The following RAF1 variants were observed in gnomAD, a reference collection of about 807,000 sequenced individuals.
The protein encoded by RAF1 is RAF proto-oncogene serine/threonine-protein kinase.
RAF1 carries 27 observed loss-of-function variants against 81.1 expected under a neutral mutation model. The observed-to-expected ratio is 0.33, with a 90% confidence interval of 0.25 to 0.46. RAF1 has a LOEUF of 0.46. Ranked by LOEUF, RAF1 falls within the 20% of genes least tolerant of loss-of-function variation. The pLI is 1.00. For synonymous variants in RAF1, 298 were observed against 294.0 expected (o/e 1.01, Z -0.14); for missense variants, 598 against 826.0 (o/e 0.72, Z 3.38).
chr3:12,629,715 A>G (rs2059808134), intron 1 of RAF1, among the ~76,000 whole-genome samples: 1 of 152,226 alleles, frequency 6.6e-6, no homozygotes, highest in Non-Finnish European at 1.5e-5. Context: ...ACCTTGTGGC[A>G]GCCTACTCTG....
intron 2 of RAF1, among the ~76,000 whole-genome samples, chr3:12,615,767 AGCAGCCGGGT>A (rs994063103): frequency 1.3e-5 from 2 of 152,172 alleles, no homozygotes; most frequent in African/African-American, 4.8e-5. Context: ...AAATAATCAT[AGCAGCCGGGT>A]GCAGTGGCTC....
intron 1 of RAF1, among the ~76,000 whole-genome samples, chr3:12,622,424 G>C (rs759927470): frequency 6.6e-6 from 1 of 152,108 alleles, no homozygotes; most frequent in African/African-American, 2.4e-5. Flanking sequence ...GCCTTCTTTC[G>C]TAACATGCCA....
At chr3:12,605,111 T>C (rs1414980048) in intron 6 of RAF1, among the ~76,000 whole-genome samples, 1 of 152,212 alleles carries the variant, frequency 6.6e-6, no homozygotes, top group African/African-American at 2.4e-5. Flanking sequence ...CTTGGTCAGA[T>C]TTGCTTTTCA....
chr3:12,639,953 A>T (rs2125527604), intron 1 of RAF1, among the ~76,000 whole-genome samples: 1 of 152,306 alleles, frequency 6.6e-6, no homozygotes, highest in African/African-American at 2.4e-5. Context: ...GCATCATGCT[A>T]CCTGACTTCA....
At chr3:12,663,107 C>A (rs2060931810) in intron 1 of RAF1, among the ~76,000 whole-genome samples, 2 of 152,186 alleles carry the variant, frequency 1.3e-5, no homozygotes, top group Admixed American at 1.3e-4. Context: ...CCTCTCACGA[C>A]GTCCAAACCC....
intron 1 of RAF1, among the ~76,000 whole-genome samples, chr3:12,642,343 C>G (rs1468134538): frequency 6.9e-6 from 1 of 145,734 alleles, no homozygotes; most frequent in Non-Finnish European, 1.5e-5. Flanking sequence ...AACAAACAAA[C>G]CAAAAAAACA....
In RAF1 at chr3:12,655,115, G is replaced by A. The variant is rs369175463; in HGVS notation, c.-27+8698C>T. Reference sequence around the variant, plus strand: ...ATTTTATTTATTTATTTTTTGAGACGAAGTCTCACTCTTGTGGAGTGCAAT... The same window carrying A: ...ATTTTATTTATTTATTTTTTGAGACAAAGTCTCACTCTTGTGGAGTGCAAT... On this transcript the variant is annotated intron_variant, in intron 1 of 17. Transcript: ENST00000442415. Among the ~76,000 whole-genome samples the A allele has an allele frequency of 1.3e-4, 19 of 151,934 alleles. No individual in the cohort carries two copies. The East Asian group carries it at 3.3e-3, about 26-fold the overall frequency.
chr3:12,635,637 CAAAAAAAAAAAA>C lies in RAF1; in HGVS notation c.-26-16902_-26-16891del, dbSNP rs34576938. Among the ~76,000 whole-genome samples, 6 of 73,290 alleles carry C rather than the reference CAAAAAAAAAAAA, an allele frequency of 8.2e-5. No individual in the cohort carries two copies. In the East Asian group the frequency reaches 2.0e-3, roughly 24 times the overall value. The allele number at this position is 73,290 out of a possible 152,430, so 48.1% of individuals were successfully genotyped here. Reference sequence around the variant, plus strand: ...GGCAAAAAGAGTGAAACTCCAGCTCCAAAAAAAAAAAAAAAAAAAAAAAGAGAGAGAGAGATT... The same window carrying C: ...GGCAAAAAGAGTGAAACTCCAGCTCCAAAAAAAAAAAGAGAGAGAGAGATT... On this transcript the variant is annotated intron_variant, in intron 1 of 17. Transcript: ENST00000442415.
intron 1 of RAF1, among the ~76,000 whole-genome samples, chr3:12,637,483 T>C (rs1294845686): frequency 1.3e-5 from 2 of 151,834 alleles, no homozygotes; most frequent in Admixed American, 1.3e-4. Context: ...CAGGCTGTTC[T>C]GGAACTCCTG....
chr3:12,592,768 C>T (rs2058560457), intron 11 of RAF1, among the ~76,000 whole-genome samples: 1 of 138,274 alleles, frequency 7.2e-6, no homozygotes, highest in African/African-American at 2.8e-5. Flanking sequence ...CAGAGTCTCG[C>T]TCAGTCACCC....
intron 1 of RAF1, among the ~76,000 whole-genome samples, chr3:12,663,370 C>CG (rs1354106208): frequency 6.6e-6 from 1 of 152,200 alleles, no homozygotes; most frequent in East Asian, 1.9e-4. Flanking sequence ...CTCTCTTACC[C>CG]GATTCCTCAC....
chr3:12,599,911 T>C (rs536440175), intron 10 of RAF1, 103 bp from the exon 10 acceptor site: 7 of 1,218,398 alleles, frequency 5.7e-6, no homozygotes, highest in Non-Finnish European at 7.3e-6. Flanking sequence ...TCCATATCTT[T>C]TAAAGATAAA....
At chr3:12,636,496 A>C (rs905288966) in intron 1 of RAF1, among the ~76,000 whole-genome samples, 2 of 106,694 alleles carry the variant, frequency 1.9e-5, no homozygotes, top group African/African-American at 8.4e-5. Context: ...ATGGTTGCTC[A>C]AAAAAAAAAA....
chr3:12,628,348 G>A lies in RAF1; in HGVS notation c.-26-9601C>T, dbSNP rs575219472. Among the ~76,000 whole-genome samples the A allele has an allele frequency of 2.0e-5, 3 of 151,872 alleles. No individual in the cohort carries two copies. The East Asian group carries it at 5.9e-4, about 30-fold the overall frequency. On this transcript the variant is annotated intron_variant, in intron 1 of 17. Transcript: ENST00000442415. ...GAGTTTGAGACCAGCCTTGGCAATA[G>A]TGAGACCTCATCTCTACAAAATCTA...
chr3:12,623,908 G>A (rs1381538811), intron 1 of RAF1, among the ~76,000 whole-genome samples: 2 of 147,448 alleles, frequency 1.4e-5, no homozygotes, highest in African/African-American at 5.0e-5. Flanking sequence ...AGGCTGGAAT[G>A]CAGTGGCGCG....
intron 1 of RAF1, among the ~76,000 whole-genome samples, chr3:12,640,942 A>G (rs2060164907): frequency 6.6e-6 from 1 of 152,178 alleles, no homozygotes; most frequent in Admixed American, 6.5e-5. Flanking sequence ...TATTCACAAT[A>G]GCAAAGACCT....
chr3:12,616,289 C>T (rs1424800211), intron 2 of RAF1, among the ~76,000 whole-genome samples: 1 of 152,186 alleles, frequency 6.6e-6, no homozygotes, highest in Non-Finnish European at 1.5e-5. Context: ...TCTGGGCAAA[C>T]TGGTAGCAGA....
At chr3:12,637,783 G>A (rs949844071) in intron 1 of RAF1, among the ~76,000 whole-genome samples, 1 of 151,988 alleles carries the variant, frequency 6.6e-6, no homozygotes, top group African/African-American at 2.4e-5. Context: ...AACCCGAGAG[G>A]CAGAGGTTGC....
intron 3 of RAF1, 87 bp downstream of exon 3, chr3:12,611,863 G>A (rs2059219944): frequency 1.1e-6 from 1 of 920,922 alleles, no homozygotes; most frequent in Non-Finnish European, 1.8e-6. Flanking sequence ...TCTATAGGAA[G>A]CTAGTACAAT....
Sources: gnomAD v4.1 joint callset for allele counts (sites outside exome capture counted in the v4.1 genomes callset) on GRCh38, gnomAD v4.1.1 for gene constraint, MANE v1.5 for transcripts, NCBI Gene and HGNC (gene_info 2026-07-23, HGNC 2026-07-21) for gene names.